GRIA4: variants seen among roughly 807,000 people sequenced by gnomAD.
The protein encoded by GRIA4 is glutamate ionotropic receptor AMPA type subunit 4.
Under a neutral mutation model 104.0 loss-of-function variants are expected in GRIA4, and 34 were observed. The ratio of observed to expected loss-of-function variants is 0.33; its 90% CI spans 0.25 to 0.44. The LOEUF is 0.44. Among genes scored for constraint, GRIA4 ranks in the 20% least tolerant of loss-of-function variants. The probability of loss-of-function intolerance (pLI) is 1.00; values close to 1 mark genes in which losing one functional copy is unlikely to be tolerated. For missense variants in GRIA4, 750 were observed against 1,096.5 expected, an observed-to-expected ratio of 0.68 and a Z score of 4.46; for synonymous variants, 386 against 381.9, an observed-to-expected ratio of 1.01 and a Z score of -0.13.
At chr11:105,684,119 C>A (rs898576194) in intron 3 of GRIA4, among the ~76,000 whole-genome samples, 3 of 152,080 alleles carry the variant, frequency 2.0e-5, no homozygotes, top group Admixed American at 2.0e-4. Flanking sequence ...GGTGATCCAC[C>A]CGCCTCGGCC....
intron 4 of GRIA4, among the ~76,000 whole-genome samples, chr11:105,833,129 T>C (rs1944039884): frequency 6.6e-6 from 1 of 151,990 alleles, no homozygotes; most frequent in East Asian, 1.9e-4. Context: ...TTCTTCACGC[T>C]GTATTTCTAT....
At chr11:105,799,484 AGAT>A (rs1476618567) in intron 4 of GRIA4, among the ~76,000 whole-genome samples, 1 of 152,082 alleles carries the variant, frequency 6.6e-6, no homozygotes, top group African/African-American at 2.4e-5. Flanking sequence ...TCAACAAAGA[AGAT>A]GATGATGCTG....
chr11:105,659,823 T>C (rs1406046436), intron 3 of GRIA4, among the ~76,000 whole-genome samples: 2 of 151,700 alleles, frequency 1.3e-5, no homozygotes, highest in East Asian at 3.9e-4. Flanking sequence ...TCACAAAAAT[T>C]ACCACAGAGG....
intron 3 of GRIA4, among the ~76,000 whole-genome samples, chr11:105,731,216 A>G (rs1938566431): frequency 6.6e-6 from 1 of 152,160 alleles, no homozygotes; most frequent in Admixed American, 6.6e-5. Flanking sequence ...AATGGGCAAA[A>G]TATATGAACA....
intron 3 of GRIA4, among the ~76,000 whole-genome samples, chr11:105,617,958 C>T (rs1241191450): frequency 6.6e-6 from 1 of 151,894 alleles, no homozygotes. Flanking sequence ...TCAAACTTGG[C>T]ATGGCATCCT....
chr11:105,917,634 A>G (rs760039709), intron 10 of GRIA4, among the ~76,000 whole-genome samples: 23 of 152,278 alleles, frequency 1.5e-4, no homozygotes, highest in Admixed American at 3.3e-4. Flanking sequence ...TGTTGTAGCC[A>G]AAGGTGGTCA....
chr11:105,650,705 T>C (rs1271263234), intron 3 of GRIA4, among the ~76,000 whole-genome samples: 1 of 152,162 alleles, frequency 6.6e-6, no homozygotes, highest in South Asian at 2.1e-4. Flanking sequence ...GTTGGTCTAG[T>C]GTAGGGCAAA....
chr11:105,938,508 C>A (rs1405746136), intron 14 of GRIA4, among the ~76,000 whole-genome samples: 1 of 152,124 alleles, frequency 6.6e-6, no homozygotes, highest in Admixed American at 6.6e-5. Context: ...GGTTGGTACA[C>A]AAACACATTT....
At chr11:105,723,123 A>T (rs182767292) in intron 3 of GRIA4, among the ~76,000 whole-genome samples, 3 of 151,450 alleles carry the variant, frequency 2.0e-5, no homozygotes, top group East Asian at 3.9e-4. Flanking sequence ...GGGGGAAAAA[A>T]CCCTCCTAAT....
At chr11:105,925,199 C>T (rs1947671788) in intron 12 of GRIA4, among the ~76,000 whole-genome samples, 1 of 152,028 alleles carries the variant, frequency 6.6e-6, no homozygotes, top group African/African-American at 2.4e-5. Context: ...TCTCACATAG[C>T]TTAAGGGAGA....
At chr11:105,763,458 G>A (rs551066131) in intron 4 of GRIA4, among the ~76,000 whole-genome samples, 6 of 152,222 alleles carry the variant, frequency 3.9e-5, no homozygotes, top group African/African-American at 1.2e-4. Flanking sequence ...ATTTATGGCA[G>A]AATAGAAAGG....
chr11:105,905,120 A>C lies in GRIA4; in HGVS notation c.1054-77A>C, dbSNP rs1035941555. On this transcript the variant is annotated intron_variant, in intron 8 of 16. Coordinates refer to ENST00000282499, the MANE Select transcript of GRIA4 (RefSeq NM_000829.4). ...TATAGTTCTACTTTTTTAAGTAGTT[A>C]TAAGCCCAGCAGATGAAGTTAAAAT... is the stretch of plus-strand genomic sequence containing the variant. 11 of 796,336 alleles carry C rather than the reference A, an allele frequency of 1.4e-5. No individual in the cohort carries two copies. In the African/African-American group the frequency reaches 1.9e-4, roughly 13 times the overall value. 49.3% of individuals were successfully genotyped at this position (796,336 alleles called of 1,614,324 possible).
In GRIA4 at chr11:105,631,005, C is replaced by T. The variant is rs577009558; in HGVS notation, c.247+18571C>T. Reference sequence around the variant, plus strand: ...ATCACAGCTCTTTATTTAAAATTCTCGTCTAAACCCCAAAGATTCTTTCTC... The same window carrying T: ...ATCACAGCTCTTTATTTAAAATTCTTGTCTAAACCCCAAAGATTCTTTCTC... On this transcript the variant is annotated intron_variant, in intron 3 of 16. Coordinates refer to ENST00000282499, the MANE Select transcript of GRIA4 (RefSeq NM_000829.4). 3.1e-4 allele frequency among the ~76,000 whole-genome samples: 47 copies of T among 152,250 alleles called. No homozygotes were observed. The East Asian group carries it at 7.5e-3, about 24-fold the overall frequency.
At chr11:105,762,803 C>T (rs1030790588) in intron 4 of GRIA4, among the ~76,000 whole-genome samples, 2 of 152,304 alleles carry the variant, frequency 1.3e-5, no homozygotes, top group South Asian at 4.1e-4. Context: ...TGAGGCCTCT[C>T]CAGCCATGTG....
chr11:105,807,364 A>T (rs1409911292), intron 4 of GRIA4, among the ~76,000 whole-genome samples: 1 of 151,924 alleles, frequency 6.6e-6, no homozygotes, highest in Non-Finnish European at 1.5e-5. Flanking sequence ...TTATGATGAG[A>T]TATCAATAGA....
chr11:105,946,325 G>A (rs1305291471), intron 14 of GRIA4, among the ~76,000 whole-genome samples: 1 of 152,198 alleles, frequency 6.6e-6, no homozygotes, highest in Non-Finnish European at 1.5e-5. Context: ...GCTCACACCT[G>A]TAATCCCAGC....
chr11:105,632,270 C>T (rs1428504443), intron 3 of GRIA4, among the ~76,000 whole-genome samples: 1 of 152,162 alleles, frequency 6.6e-6, no homozygotes, highest in East Asian at 1.9e-4. Flanking sequence ...TTTGGGTTCT[C>T]TTCAGTCTAA....
chr11:105,901,114 C>A (rs1946839945), intron 7 of GRIA4, among the ~76,000 whole-genome samples: 1 of 152,122 alleles, frequency 6.6e-6, no homozygotes. Flanking sequence ...AAATACTCAT[C>A]TTTGTAGTCT....
intron 14 of GRIA4, among the ~76,000 whole-genome samples, chr11:105,946,843 T>G (rs753858860): frequency 5.9e-5 from 9 of 152,014 alleles, no homozygotes; most frequent in Non-Finnish European, 1.2e-4. Flanking sequence ...GAGAAAAAAA[T>G]GTACCAAAAA....
Sources: gnomAD v4.1 joint callset for allele counts (sites outside exome capture counted in the v4.1 genomes callset) on GRCh38, gnomAD v4.1.1 for gene constraint, MANE v1.5 for transcripts, NCBI Gene and HGNC (gene_info 2026-07-23, HGNC 2026-07-21) for gene names.